Variants in MRPL4 observed in about 807,000 individuals in gnomAD.
MRPL4 encodes the protein mitochondrial ribosomal protein L4.
In MRPL4, 34 loss-of-function variants were observed where a neutral mutation model predicts 34.1. That is an observed-to-expected ratio of 1.00 (90% CI 0.76 to 1.33). The LOEUF (loss-of-function observed/expected upper bound fraction) is 1.33, where lower values mean the gene tolerates loss of function less well. Among genes scored for constraint, MRPL4 ranks in the 40% most tolerant of loss-of-function variants. The pLI, the probability that MRPL4 is intolerant of heterozygous loss-of-function variation, is 0.00. For missense variants in MRPL4, 402 were observed against 434.6 expected, an observed-to-expected ratio of 0.92 and a Z score of 0.67; for synonymous variants, 196 against 188.3, an observed-to-expected ratio of 1.04 and a Z score of -0.33.
In MRPL4 at chr19:10,252,640, T is replaced by G; in HGVS notation, c.214T>G (p.Phe72Val). Residue 72 changes from phenylalanine (F) to valine (V), a missense_variant, in exon 3 of 9, where the codon TTC becomes GTC. By Grantham distance (50) the Phe-to-Val change is conservative (BLOSUM62 -1). Coordinates refer to ENST00000253099, the MANE Select transcript of MRPL4 (RefSeq NM_015956.3). ...VQAWVESLRG[F>V]EQERVGLADL... ...GGCCTGGGTCGAGTCCTTGCGGGGC[T>G]TCGAGCAGGAGCGCGTGGGCCTGGC... 1 of 1,610,346 alleles carries G rather than the reference T, an allele frequency of 6.2e-7. No homozygotes were observed.
intron 5 of MRPL4, 52 bp from the exon 6 acceptor site, chr19:10,258,170 C>T (rs2039868972): frequency 7.5e-7 from 1 of 1,326,584 alleles, no homozygotes; most frequent in Non-Finnish European, 1.1e-6. Context: ...AGATTGCTGA[C>T]CTCCAGGCTC....
chr19:10,257,893 C>T (rs1419090013), intron 5 of MRPL4, among the ~76,000 whole-genome samples: 2 of 151,982 alleles, frequency 1.3e-5, no homozygotes, highest in Non-Finnish European at 2.9e-5. Flanking sequence ...GTTGCCCAGG[C>T]TGTAGTGCAG....
At chr19:10,258,201 C>T (rs371056146) in intron 5 of MRPL4, 21 bp from the exon 6 acceptor site, 2 of 1,571,652 alleles carry the variant, frequency 1.3e-6, no homozygotes, top group East Asian at 2.2e-5. Context: ...CCTACCTGCT[C>T]ACATGCCTCT....
chr19:10,254,718 C>G, intron 4 of MRPL4, 78 bp downstream of exon 4: 1 of 1,531,048 alleles, frequency 6.5e-7, no homozygotes, highest in Non-Finnish European at 9.0e-7. Context: ...GGAAGCCCAT[C>G]GCTGGGTTTT....
chr19:10,257,030 C>T (rs1057137234), intron 5 of MRPL4, among the ~76,000 whole-genome samples: 3 of 152,090 alleles, frequency 2.0e-5, no homozygotes, highest in African/African-American at 7.2e-5. Flanking sequence ...ATCTGGGAGC[C>T]ATCCACTCCT....
intron 4 of MRPL4, among the ~76,000 whole-genome samples, 153 bp from the exon 5 acceptor site, chr19:10,256,555 C>T (rs2039853098): frequency 6.6e-6 from 1 of 152,134 alleles, no homozygotes; most frequent in Non-Finnish European, 1.5e-5. Context: ...GACTTCTTTA[C>T]CCTCCCCCTC....
intron 4 of MRPL4, among the ~76,000 whole-genome samples, chr19:10,256,285 CA>C (rs906552520): frequency 0.023 from 3,323 of 144,958 alleles, 116 homozygotes; most frequent in African/African-American, 0.077. Flanking sequence ...GACTCCATCT[CA>C]AAAAAAAAAA....
chr19:10,258,958 G>A (rs1313101291), intron 8 of MRPL4: 1 of 1,418,888 alleles, frequency 7.0e-7, no homozygotes, highest in Non-Finnish European at 9.2e-7. Flanking sequence ...AAAAAAGTTA[G>A]GCGTGGCGAT....
At chr19:10,253,258 C>T (rs1406270267) in intron 3 of MRPL4, among the ~76,000 whole-genome samples, 2 of 151,682 alleles carry the variant, frequency 1.3e-5, no homozygotes, top group East Asian at 1.9e-4. Flanking sequence ...GGGCGGATCA[C>T]GAGGTCAGGA....
At chr19:10,254,826 A>G (rs1433371621) in intron 4 of MRPL4, 186 bp downstream of exon 4, 2 of 497,906 alleles carry the variant, frequency 4.0e-6, no homozygotes, top group Non-Finnish European at 7.2e-6. Flanking sequence ...TGAGATGGAG[A>G]TGGAGTCTCA....
chr19:10,258,399 T>G lies in MRPL4; in HGVS notation c.553-14T>G, dbSNP rs769376448. The G allele has an allele frequency of 1.2e-6, 2 of 1,613,920 alleles. No homozygotes were observed. Among genetic ancestry groups the G allele is most frequent in the East Asian group, 4.5e-5 (2 of 44,870 alleles). The stretch of plus-strand genomic sequence containing the variant: ...TCTGGACCCAGGGTTCAAACCATCC[T>G]TTCCTTCCACCAGGACGACCTGCAC... On this transcript the variant is annotated splice_polypyrimidine_tract_variant and intron_variant, in intron 6 of 8. Transcript: ENST00000253099.
chr19:10,252,211 T>G (rs2039797054), upstream of MRPL4: 3 of 1,548,746 alleles, frequency 1.9e-6, no homozygotes. Flanking sequence ...CTCGCGAGGC[T>G]CCAGTGGCCT....
chr19:10,259,221 G>A (rs1041894184), intron 8 of MRPL4: 61 of 1,166,402 alleles, frequency 5.2e-5, no homozygotes, highest in Non-Finnish European at 6.2e-5. Context: ...CTCAACCCAC[G>A]CCCCTCGCTG....
rs1220541358 is a variant in MRPL4, at chr19:10,252,609, A to G, written c.183A>G (p.Pro61=). 1 of 1,612,590 alleles carries G rather than the reference A, an allele frequency of 6.2e-7. No individual in the cohort carries two copies. The highest frequency in any genetic ancestry group is 8.5e-7 in the Non-Finnish European group (1 of 1,179,814). The change falls in exon 3 of 9, where the codon CCA becomes CCG. Residue 61 remains proline (P), a synonymous_variant. Transcript: ENST00000253099. ...VELPVPTHRR[P]VQAWVESLRG... ...TCCCGGTACCCACTCATCGACGCCC[A>G]GTGCAGGCCTGGGTCGAGTCCTTGC...
upstream of MRPL4, chr19:10,251,984 C>T (rs60373514): frequency 1.4e-3 from 722 of 522,404 alleles, 3 homozygotes; most frequent in African/African-American, 0.014. Flanking sequence ...GCTAGGCCTA[C>T]GGAAGCTGGG....
chr19:10,252,414 GGAAGA>G lies in MRPL4; in HGVS notation c.77_81del (p.Glu26GlyfsTer83). Reference sequence around the variant, plus strand: ...CCTTGCAGGGCCTGAGTTCCCTGGCGGAAGAGGCAGCGCGTGCGACCGAGAACCCG... The same window carrying G: ...CCTTGCAGGGCCTGAGTTCCCTGGCGGGCAGCGCGTGCGACCGAGAACCCG... On this transcript the variant is annotated frameshift_variant, in exon 2 of 9. Transcript: ENST00000253099. LOFTEE classifies it high-confidence loss of function. 6.2e-7 allele frequency: 1 copy of G among 1,614,106 alleles called. No homozygotes were observed. Among genetic ancestry groups the G allele is most frequent in the Non-Finnish European group, 8.5e-7 (1 of 1,179,986 alleles).
At position 10,256,688 on chromosome 19, in the gene MRPL4, C is replaced by A; in HGVS notation, c.328-20C>A. 1 of 1,607,518 alleles carries A rather than the reference C, an allele frequency of 6.2e-7. No homozygotes were observed. The highest frequency in any genetic ancestry group is 8.5e-7 in the Non-Finnish European group (1 of 1,175,724). On this transcript the variant is annotated intron_variant, in intron 4 of 8. Transcript: ENST00000253099. ...ACACCTGCCTCGTGGACCTGACCCC[C>A]CTCCTCTTTGTGCCTCCAGAGCTAT...
chr19:10,256,849 CGGGGAGGGGTG>C, intron 5 of MRPL4, 24 bp downstream of exon 5: 5 of 22,272 alleles, frequency 2.2e-4, no homozygotes, highest in African/African-American at 7.1e-4. Context: ...GTGGAGGGGG[CGGGGAGGGGTG>C]GGGGGGCCAG....
At chr19:10,258,943 A>T in intron 8 of MRPL4, 1 of 1,424,030 alleles carries the variant, frequency 7.0e-7, no homozygotes, top group Non-Finnish European at 9.2e-7. Context: ...ATCTGTACTA[A>T]AAATAAAAAA....
Sources: allele counts gnomAD v4.1 joint callset (sites outside exome capture counted in the v4.1 genomes callset), GRCh38; gene constraint gnomAD v4.1.1; transcripts MANE v1.5; gene names NCBI Gene and HGNC (gene_info 2026-07-23, HGNC 2026-07-21).